Variants in NTM observed in about 807,000 individuals in gnomAD.
NTM encodes neurotrimin, also known as IgLON family member 2.
NTM carries 13 observed loss-of-function variants against 42.1 expected under a neutral mutation model. That is an observed-to-expected ratio of 0.31 (90% CI 0.20 to 0.49). The LOEUF (loss-of-function observed/expected upper bound fraction) is 0.49. Ranked by LOEUF, NTM falls within the 20% of genes least tolerant of loss-of-function variation. The probability of loss-of-function intolerance (pLI) is 0.99; values close to 1 mark genes in which losing one functional copy is unlikely to be tolerated. For synonymous variants in NTM, 187 were observed against 179.2 expected (o/e 1.04, Z -0.35); for missense variants, 373 against 452.8 (o/e 0.82, Z 1.60).
chr11:131,817,990 A>G (rs2093020845), intron 1 of NTM, among the ~76,000 whole-genome samples: 1 of 152,128 alleles, frequency 6.6e-6, no homozygotes, highest in African/African-American at 2.4e-5. Flanking sequence ...CAGATTTTTC[A>G]CCAGCAACAA....
chr11:132,210,454 A>G (rs2082657067), intron 3 of NTM, among the ~76,000 whole-genome samples: 1 of 152,190 alleles, frequency 6.6e-6, no homozygotes, highest in African/African-American at 2.4e-5. Flanking sequence ...GTGGATACAG[A>G]TATAAGTAAC....
At chr11:131,639,366 A>G (rs1448997432) in intron 1 of NTM, among the ~76,000 whole-genome samples, 1 of 152,202 alleles carries the variant, frequency 6.6e-6, no homozygotes, top group African/African-American at 2.4e-5. Flanking sequence ...TTTATTTTCC[A>G]GAGAAAATGG....
At chr11:131,996,817 A>G (rs1259522671) in intron 2 of NTM, among the ~76,000 whole-genome samples, 1 of 152,014 alleles carries the variant, frequency 6.6e-6, no homozygotes, top group African/African-American at 2.4e-5. Context: ...GAGTGTGTTT[A>G]TGCTCTGCCA....
intron 2 of NTM, among the ~76,000 whole-genome samples, chr11:132,024,854 A>G (rs1478740901): frequency 6.6e-6 from 1 of 152,210 alleles, no homozygotes; most frequent in Non-Finnish European, 1.5e-5. Flanking sequence ...TGTGGAGGTT[A>G]GGAACACACA....
chr11:132,314,747 C>T (rs368567028), intron 7 of NTM, 44 bp downstream of exon 7: 5 of 1,572,552 alleles, frequency 3.2e-6, no homozygotes, highest in Non-Finnish European at 3.4e-6. Flanking sequence ...GGAGAGGGTG[C>T]AGAACGGGAG....
chr11:131,609,975 A>G (rs187888666), intron 1 of NTM, among the ~76,000 whole-genome samples: 224 of 152,248 alleles, frequency 1.5e-3, no homozygotes, highest in African/African-American at 5.1e-3. Context: ...GTAACAGGAG[A>G]AACACATTTC....
intron 1 of NTM, among the ~76,000 whole-genome samples, chr11:131,668,716 T>C (rs1042081674): frequency 1.3e-5 from 2 of 152,100 alleles, no homozygotes; most frequent in African/African-American, 2.4e-5. Context: ...TTCTGGGTAA[T>C]AAGAAGGAGC....
rs1257597644 is a variant in NTM at position 132,146,960 on chromosome 11, A to G, written c.400+446A>G. ...CCAGCCTTGAACGAAAGCAGAGCCA[A>G]CCAGGATGCACTGGGCACTGCCCTC... On this transcript the variant is annotated intron_variant, in intron 3 of 8. Transcript: ENST00000683400. This position sits in a 1 kb window ranked among gnomAD's most constrained non-coding sequence, Gnocchi z 4.5. The G allele has an allele frequency of 1.7e-5, 3 of 177,510 alleles. No individual in the cohort carries two copies. The highest frequency in any genetic ancestry group is 1.3e-4 in the South Asian group (1 of 7,646). 11.0% of individuals were successfully genotyped at this position (177,510 alleles called of 1,614,324 possible). A position where few individuals can be genotyped will look rare whatever the true frequency, so the allele number is the denominator to read the frequency against.
intron 1 of NTM, among the ~76,000 whole-genome samples, chr11:131,638,563 CAAAA>C (rs58374119): frequency 1.9e-5 from 1 of 53,322 alleles, no homozygotes. Flanking sequence ...GAGACTCCTT[CAAAA>C]AAAAAAAAAA....
chr11:132,016,233 A>G (rs1447894176), intron 2 of NTM, among the ~76,000 whole-genome samples: 2 of 151,692 alleles, frequency 1.3e-5, no homozygotes, highest in African/African-American at 2.4e-5. Flanking sequence ...ATGTTGAACA[A>G]TCAATGATTT....
chr11:131,761,126 A>G (rs2084101500), intron 1 of NTM, among the ~76,000 whole-genome samples: 1 of 152,092 alleles, frequency 6.6e-6, no homozygotes, highest in Non-Finnish European at 1.5e-5. Context: ...TGCCAGACTA[A>G]ATCAGAGACG....
intron 1 of NTM, among the ~76,000 whole-genome samples, chr11:131,500,624 G>T (rs1281903082): frequency 1.4e-5 from 2 of 141,618 alleles, no homozygotes; most frequent in Non-Finnish European, 3.0e-5. Context: ...TAGGGTACAT[G>T]GGCACAACGT....
chr11:131,794,932 T>C, intron 1 of NTM: 1 of 984,704 alleles, frequency 1.0e-6, no homozygotes, highest in Non-Finnish European at 1.2e-6. Flanking sequence ...GGCTTTGGAG[T>C]TAGGGGAACC....
intron 2 of NTM, among the ~76,000 whole-genome samples, chr11:132,136,322 G>A (rs1490293403): frequency 6.6e-6 from 1 of 152,228 alleles, no homozygotes. Context: ...CAGTCATGTG[G>A]GCACTGTGTT....
At chr11:131,997,769 T>C (rs2068350796) in intron 2 of NTM, among the ~76,000 whole-genome samples, 1 of 152,208 alleles carries the variant, frequency 6.6e-6, no homozygotes, top group African/African-American at 2.4e-5. Context: ...GCTTCATTTT[T>C]CATCTTTCCA....
At chr11:131,621,028 T>C (rs2062475380) in intron 1 of NTM, among the ~76,000 whole-genome samples, 2 of 152,170 alleles carry the variant, frequency 1.3e-5, no homozygotes, top group South Asian at 4.1e-4. Flanking sequence ...AAGCTTGTAA[T>C]TGTATGTTGA....
chr11:132,146,764 A>G lies in NTM; in HGVS notation c.400+250A>G. ...TATTTTCTCAGGAAATTATCTTGTA[A>G]TTATTGCTCTTCTTGGCTTTTTTCT... On this transcript the variant is annotated intron_variant, in intron 3 of 8. Transcript: ENST00000683400. The surrounding 1 kb of genome is among the most constrained non-coding windows in gnomAD (Gnocchi z 4.5). 2.3e-6 allele frequency: 1 copy of G among 442,718 alleles called. No individual in the cohort carries two copies. Among genetic ancestry groups the G allele is most frequent in the Non-Finnish European group, 4.0e-6 (1 of 253,006 alleles). 27.4% of individuals were successfully genotyped at this position (442,718 alleles called of 1,614,324 possible).
chr11:132,233,376 C>T (rs935559867), intron 4 of NTM, among the ~76,000 whole-genome samples: 26 of 152,284 alleles, frequency 1.7e-4, no homozygotes, highest in Admixed American at 2.6e-4. Context: ...GCCAAGACCG[C>T]GCCACTGCAC....
chr11:132,130,410 C>T (rs960935983), intron 2 of NTM, among the ~76,000 whole-genome samples: 5 of 151,924 alleles, frequency 3.3e-5, no homozygotes, highest in Non-Finnish European at 4.4e-5. Flanking sequence ...TTTTAATTCC[C>T]GTGATAATTA....
Sources: allele counts gnomAD v4.1 joint callset (sites outside exome capture counted in the v4.1 genomes callset), GRCh38; gene constraint gnomAD v4.1.1; non-coding constraint Gnocchi (gnomAD v3.1); transcripts MANE v1.5; gene names NCBI Gene and HGNC (gene_info 2026-07-23, HGNC 2026-07-21).